Variants in PRMT8 observed in about 807,000 individuals in gnomAD.
The protein encoded by PRMT8 is protein arginine N-methyltransferase 8.
PRMT8 carries 7 observed loss-of-function variants against 47.1 expected under a neutral mutation model. The ratio of observed to expected loss-of-function variants is 0.15; its 90% confidence interval spans 0.08 to 0.28. The LOEUF (loss-of-function observed/expected upper bound fraction) is 0.28. PRMT8 is among the 10% of genes least tolerant of loss of function. The pLI is 1.00. For missense variants in PRMT8, 237 were observed against 505.4 expected, an observed-to-expected ratio of 0.47 and a Z score of 5.09; for synonymous variants, 188 against 186.5, an observed-to-expected ratio of 1.01 and a Z score of -0.07.
At chr12:3,474,402 C>T (rs1865189238) in intron 1 of PRMT8, among the ~76,000 whole-genome samples, 1 of 152,102 alleles carries the variant, frequency 6.6e-6, no homozygotes, top group South Asian at 2.1e-4. Flanking sequence ...TTCCATTTGC[C>T]TTTTTCTCTG....
intron 1 of PRMT8, among the ~76,000 whole-genome samples, chr12:3,511,194 C>A (rs1279341626): frequency 6.6e-6 from 1 of 152,188 alleles, no homozygotes; most frequent in African/African-American, 2.4e-5. Context: ...CCATGCCTGT[C>A]TTCCCTTATC....
chr12:3,482,726 T>C (rs1865286305), intron 1 of PRMT8, among the ~76,000 whole-genome samples: 1 of 152,160 alleles, frequency 6.6e-6, no homozygotes, highest in South Asian at 2.1e-4. Flanking sequence ...GAACAACAGA[T>C]GCAGTTTTGC....
At chr12:3,496,503 C>T (rs1439784890) in intron 1 of PRMT8, among the ~76,000 whole-genome samples, 1 of 151,688 alleles carries the variant, frequency 6.6e-6, no homozygotes, top group Non-Finnish European at 1.5e-5. Context: ...TGAGGATGGT[C>T]TTCATCTATG....
At position 3,508,940 on chromosome 12, in the gene PRMT8, C is replaced by T. The variant is rs558017489; in HGVS notation, c.75+17240C>T. On this transcript the variant is annotated intron_variant, in intron 1 of 9. Transcript: ENST00000382622. The surrounding 1 kb of genome is among the most constrained non-coding windows in gnomAD (Gnocchi z 4.9). ...CTCCTTTCTCCATAACAAGACCTGGCGATTCTACATCTGAAATGTTTCTCC... is the reference window on the plus strand; with the variant it reads ...CTCCTTTCTCCATAACAAGACCTGGTGATTCTACATCTGAAATGTTTCTCC... 5.9e-5 allele frequency among the ~76,000 whole-genome samples: 9 copies of T among 152,260 alleles called. No homozygotes were observed. Among genetic ancestry groups the T allele is most frequent in the African/African-American group, 1.7e-4 (7 of 41,548 alleles).
At chr12:3,413,910 TTTTATATAAGGGAC>T (rs1406985928) in intron 1 of PRMT8, among the ~76,000 whole-genome samples, 1 of 152,176 alleles carries the variant, frequency 6.6e-6, no homozygotes, top group Non-Finnish European at 1.5e-5. Flanking sequence ...TACAACACCA[TTTTATATAAGGGAC>T]TTGAACAACG....
At chr12:3,425,641 G>T (rs1864596302) in intron 1 of PRMT8, among the ~76,000 whole-genome samples, 1 of 152,234 alleles carries the variant, frequency 6.6e-6, no homozygotes, top group African/African-American at 2.4e-5. Context: ...CTTAAATTCT[G>T]CAGCTATTTG....
In PRMT8 at chr12:3,580,331, C is replaced by CGT. The variant is rs1422830381; in HGVS notation, c.829-2723_829-2722dup. Among the ~76,000 whole-genome samples the CGT allele has an allele frequency of 2.7e-5, 3 of 110,078 alleles. No individual in the cohort carries two copies. The highest frequency in any genetic ancestry group is 1.1e-4 in the African/African-American group (3 of 28,140). The allele number at this position is 110,078 out of a possible 152,430, so 72.2% of individuals were successfully genotyped here. On this transcript the variant is annotated intron_variant, in intron 7 of 9. Transcript: ENST00000382622. The surrounding 1 kb of genome is among the most constrained non-coding windows in gnomAD (Gnocchi z 4.6). ...TGGAATTCCTGCCAGATGGGGGGTG[C>CGT]GTGTGCGTGTGTGTGTGTGTGTGTG...
intron 8 of PRMT8, among the ~76,000 whole-genome samples, chr12:3,587,512 C>A (rs17769930): frequency 1.3e-5 from 2 of 152,022 alleles, no homozygotes; most frequent in Non-Finnish European, 2.9e-5. Flanking sequence ...CTTATTGATT[C>A]GAGCTATGCC....
At chr12:3,498,171 T>A (rs1333854399) in intron 1 of PRMT8, among the ~76,000 whole-genome samples, 1 of 152,190 alleles carries the variant, frequency 6.6e-6, no homozygotes, top group Non-Finnish European at 1.5e-5. Flanking sequence ...ATTACATATA[T>A]CCCCATTGTA....
rs1865669700 is a variant in PRMT8 at position 3,508,809 on chromosome 12, T to G, written c.75+17109T>G. On this transcript the variant is annotated intron_variant, in intron 1 of 9. Coordinates refer to ENST00000382622, the MANE Select transcript of PRMT8 (RefSeq NM_019854.5). This position sits in a 1 kb window ranked among gnomAD's most constrained non-coding sequence, Gnocchi z 4.9. ...TTCACTGAGATGTCTCATAGGCACC[T>G]CAGGTTCGCTGGGTTGCCTCCGGAG... 6.6e-6 allele frequency among the ~76,000 whole-genome samples: 1 copy of G among 152,206 alleles called. No individual in the cohort carries two copies. The highest frequency in any genetic ancestry group is 1.5e-5 in the Non-Finnish European group (1 of 68,026).
chr12:3,436,521 A>C lies in PRMT8; in HGVS notation c.48+55079A>C, dbSNP rs1360311876. On this transcript the variant is annotated intron_variant, in intron 1 of 9. Coordinates refer to the PRMT8 transcript ENST00000452611. The surrounding 1 kb of genome is among the most constrained non-coding windows in gnomAD (Gnocchi z 4.2). Reference sequence around the variant, plus strand: ...TTATGAGCTGCTATTGTCAGCGTGCAGAAGATCTCTATTAATAGAGTAAAG... The same window carrying C: ...TTATGAGCTGCTATTGTCAGCGTGCCGAAGATCTCTATTAATAGAGTAAAG... Among the ~76,000 whole-genome samples the C allele has an allele frequency of 6.6e-6, 1 of 151,934 alleles. No homozygotes were observed. Among genetic ancestry groups the C allele is most frequent in the Non-Finnish European group, 1.5e-5 (1 of 68,006 alleles).
At chr12:3,586,202 TAGGGATGACATTCTTCATGGTCCC>T (rs1290519984) in intron 8 of PRMT8, among the ~76,000 whole-genome samples, 2 of 152,158 alleles carry the variant, frequency 1.3e-5, no homozygotes, top group African/African-American at 2.4e-5. Context: ...TCTGGGGTGT[TAGGGATGACATTCTTCATGGTCCC>T]ATGTGGAGGA....
intron 7 of PRMT8, among the ~76,000 whole-genome samples, chr12:3,582,795 C>T (rs577332525): frequency 2.2e-4 from 33 of 152,184 alleles, no homozygotes; most frequent in Non-Finnish European, 3.5e-4. Context: ...GCCCCAAACC[C>T]TGGAAGATTT....
chr12:3,538,148 A>G lies in PRMT8; in HGVS notation c.76-2458A>G, dbSNP rs1565434727. 6.5e-6 allele frequency: 1 copy of G among 152,786 alleles called. No homozygotes were observed. Among genetic ancestry groups the G allele is most frequent in the Non-Finnish European group, 1.5e-5 (1 of 68,490 alleles). The allele number at this position is 152,786 out of a possible 1,614,324, so 9.5% of individuals were successfully genotyped here. ...TTCCTCCACCTGCCAAAATCCGTTC[A>G]AAAAGCTCCCACCTCACCCCACCTC... On this transcript the variant is annotated intron_variant, in intron 1 of 9. Transcript: ENST00000382622. This position sits in a 1 kb window ranked among gnomAD's most constrained non-coding sequence, Gnocchi z 4.6.
chr12:3,528,601 A>G (rs1456614857), intron 1 of PRMT8, among the ~76,000 whole-genome samples: 1 of 152,000 alleles, frequency 6.6e-6, no homozygotes, highest in African/African-American at 2.4e-5. Flanking sequence ...TTAATGTCTT[A>G]TATACTAATT....
chr12:3,573,063 T>C (rs1200256373), intron 6 of PRMT8, among the ~76,000 whole-genome samples: 1 of 152,214 alleles, frequency 6.6e-6, no homozygotes, highest in African/African-American at 2.4e-5. Context: ...CCAGTATCTC[T>C]ACAAATATTT....
chr12:3,540,659 G>A lies in PRMT8; in HGVS notation c.129G>A (p.Val43=). 2.5e-6 allele frequency: 4 copies of A among 1,595,256 alleles called. No individual in the cohort carries two copies. The highest frequency in any genetic ancestry group is 3.4e-6 in the Non-Finnish European group (4 of 1,167,796). Residue 43 remains valine, a synonymous_variant, in exon 2 of 10, where the codon GTG becomes GTA. Transcript: ENST00000382622. ...PPQPVVPAKP[V]QCVHHVSTQP... ...AGCCCGTCGTCCCTGCTAAGCCCGT[G>A]CAATGCGTCCATCATGTGTCCACTC...
Position 3,576,867 on chromosome 12 carries a change from A to G in PRMT8, c.713-4A>G, listed in dbSNP as rs1233932762. ...TGCCTTCACGTCTTGCTCTGCTCCC[A>G]CAGGGTGGGAGAATGTCTATGGCTT... On this transcript the variant is annotated splice_polypyrimidine_tract_variant and splice_region_variant and intron_variant, in intron 6 of 9. Transcript: ENST00000382622. This position sits in a 1 kb window ranked among gnomAD's most constrained non-coding sequence, Gnocchi z 4.0. 6.2e-7 allele frequency: 1 copy of G among 1,613,652 alleles called. No homozygotes were observed. The highest frequency in any genetic ancestry group is 1.1e-5 in the South Asian group (1 of 91,042).
chr12:3,571,546 C>T (rs1316632481), intron 6 of PRMT8, among the ~76,000 whole-genome samples: 1 of 152,026 alleles, frequency 6.6e-6, no homozygotes, highest in African/African-American at 2.4e-5. Context: ...GGAGGGGCTC[C>T]TAAGGCACTG....
Sources: allele counts gnomAD v4.1 joint callset (sites outside exome capture counted in the v4.1 genomes callset), GRCh38; gene constraint gnomAD v4.1.1; non-coding constraint Gnocchi (gnomAD v3.1); transcripts MANE v1.5; gene names NCBI Gene and HGNC (gene_info 2026-07-23, HGNC 2026-07-21).